The following TMX1 variants were observed in gnomAD, a reference collection of about 807,000 sequenced individuals.
TMX1 encodes thioredoxin-related transmembrane protein 1.
In TMX1, 25 loss-of-function variants were observed where a neutral mutation model predicts 36.6. The ratio of observed to expected loss-of-function variants is 0.68; its 90% confidence interval spans 0.50 to 0.95. The LOEUF is 0.95. Among genes scored for constraint, TMX1 ranks in the 40% least tolerant of loss-of-function variants. TMX1 has a pLI of 0.00. For missense variants in TMX1, 347 were observed against 339.6 expected, an observed-to-expected ratio of 1.02 and a Z score of -0.17; for synonymous variants, 133 against 118.0, an observed-to-expected ratio of 1.13 and a Z score of -0.82.
rs1366060787 is a variant in TMX1, at chr14:51,256,402, A to G, written c.*1883A>G. On this transcript the variant is annotated 3_prime_UTR_variant, in exon 8 of 8. Coordinates refer to ENST00000457354, the MANE Select transcript of TMX1 (RefSeq NM_030755.5). ...ATAGGGTCTTGAAATTTCAGGAAAC[A>G]TATAATCTCACGGTTCTTAAAGATT... 2.0e-5 allele frequency: 3 copies of G among 152,180 alleles called. No individual in the cohort carries two copies. The highest frequency in any genetic ancestry group is 6.5e-5 in the Admixed American group (1 of 15,288). 9.4% of individuals were successfully genotyped at this position (152,180 alleles called of 1,614,324 possible). A position where few individuals can be genotyped will look rare whatever the true frequency, so the allele number is the denominator to read the frequency against.
At chr14:51,250,842 T>A (rs2065808781) in intron 7 of TMX1, among the ~76,000 whole-genome samples, 2 of 152,218 alleles carry the variant, frequency 1.3e-5, no homozygotes, top group African/African-American at 4.8e-5. Context: ...CGAAATGAAG[T>A]CTATGGAGAT....
rs1596410137 is a variant in TMX1, at chr14:51,256,808, C to T, written c.*2289C>T. On this transcript the variant is annotated 3_prime_UTR_variant, in exon 8 of 8. Transcript: ENST00000457354. The stretch of plus-strand genomic sequence containing the variant: ...AACTGCAAGACAGGTAAGCATTGCA[C>T]ATCTTTCAGGTGAGTCAGCCCAGAG... 1 of 152,208 alleles carries T rather than the reference C, an allele frequency of 6.6e-6. No homozygotes were observed. The highest frequency in any genetic ancestry group is 1.9e-4 in the East Asian group (1 of 5,192). The allele number at this position is 152,208 out of a possible 1,614,324, so 9.4% of individuals were successfully genotyped here. A position where few individuals can be genotyped will look rare whatever the true frequency, so the allele number is the denominator to read the frequency against.
At chr14:51,244,043 G>A (rs2139851703) in intron 2 of TMX1, 72 bp downstream of exon 2, 3 of 1,237,946 alleles carry the variant, frequency 2.4e-6, no homozygotes, top group Non-Finnish European at 3.3e-6. Flanking sequence ...TTTCTACATT[G>A]CATAGTCTTA....
chr14:51,247,164 T>A lies in TMX1; in HGVS notation c.387T>A (p.Asp129Glu). 1 of 1,613,540 alleles carries A rather than the reference T, an allele frequency of 6.2e-7. No homozygotes were observed. The highest frequency in any genetic ancestry group is 8.5e-7 in the Non-Finnish European group (1 of 1,179,782). Residue 129 changes from aspartate to glutamate, a missense_variant, in exon 4 of 8, where the codon GAT (aspartate) becomes GAA (glutamate). Physicochemically the swap from Asp to Glu is conservative, Grantham distance 45. Transcript: ENST00000457354. Reference protein sequence around the residue: ...TKKDFINFISDKEWKSIEPVS... With the variant: ...TKKDFINFISEKEWKSIEPVS... ...AGGACTTCATAAACTTTATAAGTGA[T>A]AAAGAGTGGAAGAGTATTGAGCCCG...
Position 51,249,494 on chromosome 14 carries a change from C to A in TMX1, c.516C>A (p.Asp172Glu). 1.2e-6 allele frequency: 2 copies of A among 1,612,614 alleles called. No individual in the cohort carries two copies. Among genetic ancestry groups the A allele is most frequent in the Non-Finnish European group, 8.5e-7 (1 of 1,179,640 alleles). The change falls in exon 6 of 8, where the codon GAC becomes GAA. Residue 172 changes from aspartate to glutamate, a missense_variant. By Grantham distance (45) the Asp-to-Glu change is conservative. Transcript: ENST00000457354. ...IRTCHNYFIE[D>E]LGLPVWGSYT... ...CTTGCCATAACTACTTTATTGAAGACCTTGGATTGCCAGTGTGGGGATCAT... is the reference window on the plus strand; with the variant it reads ...CTTGCCATAACTACTTTATTGAAGAACTTGGATTGCCAGTGTGGGGATCAT...
At chr14:51,243,489 TTG>T (rs147021239) in intron 1 of TMX1, among the ~76,000 whole-genome samples, 4,228 of 152,358 alleles carry the variant, frequency 0.028, 74 homozygotes, top group Non-Finnish European at 0.043. Flanking sequence ...CACCTTGCAT[TTG>T]TGACTCTGCA....
At chr14:51,247,351 G>GTTT in intron 4 of TMX1, 131 bp downstream of exon 4, 9 of 476,300 alleles carry the variant, frequency 1.9e-5, no homozygotes, top group African/African-American at 2.5e-5. Flanking sequence ...TTACATGTTT[G>GTTT]ATTTTTTTTT....
At chr14:51,253,054 AT>A (rs999272247) in intron 7 of TMX1, among the ~76,000 whole-genome samples, 1 of 151,910 alleles carries the variant, frequency 6.6e-6, no homozygotes, top group Non-Finnish European at 1.5e-5. Context: ...AAGGAAATTC[AT>A]TTTTTTTCTA....
At chr14:51,244,979 C>A (rs540000887) in intron 2 of TMX1, among the ~76,000 whole-genome samples, 40 of 152,182 alleles carry the variant, frequency 2.6e-4, no homozygotes, top group Admixed American at 1.9e-3. Context: ...AGATCTAAGA[C>A]CCTATTACCT....
At chr14:51,245,637 A>G (rs2065782348) in intron 3 of TMX1, 1 of 570,482 alleles carries the variant, frequency 1.8e-6, no homozygotes, top group East Asian at 4.3e-5. Flanking sequence ...GTCATTATGC[A>G]TCCAAAGTAG....
intron 4 of TMX1, among the ~76,000 whole-genome samples, chr14:51,247,734 T>C (rs996950206): frequency 1.3e-5 from 2 of 152,240 alleles, no homozygotes; most frequent in Non-Finnish European, 2.9e-5. Flanking sequence ...AGGCATTTTA[T>C]AGAAGTAAGT....
rs1478778152 is a variant in TMX1, at chr14:51,256,589, T to C, written c.*2070T>C. ...ACCATAATCAATTCAGCTGTACTAC[T>C]GAAGTATTGTAAAATCTGATCTCTA... is the stretch of plus-strand genomic sequence containing the variant. On this transcript the variant is annotated 3_prime_UTR_variant, in exon 8 of 8. Transcript: ENST00000457354. 1 of 152,258 alleles carries C rather than the reference T, an allele frequency of 6.6e-6. No individual in the cohort carries two copies. The highest frequency in any genetic ancestry group is 2.4e-5 in the African/African-American group (1 of 41,468). The allele number at this position is 152,258 out of a possible 1,614,324, so 9.4% of individuals were successfully genotyped here. A position where few individuals can be genotyped will look rare whatever the true frequency, so the allele number is the denominator to read the frequency against.
chr14:51,252,502 G>A (rs1359083307), intron 7 of TMX1, among the ~76,000 whole-genome samples: 1 of 151,900 alleles, frequency 6.6e-6, no homozygotes, highest in Non-Finnish European at 1.5e-5. Flanking sequence ...AATTAAATTT[G>A]CCCCTTTGGA....
intron 4 of TMX1, among the ~76,000 whole-genome samples, chr14:51,247,426 G>A (rs2065791152): frequency 7.1e-6 from 1 of 140,798 alleles, no homozygotes; most frequent in Non-Finnish European, 1.5e-5. Flanking sequence ...GCGCAATCTC[G>A]GCTCACTGCA....
chr14:51,242,896 A>G (rs1264495710), intron 1 of TMX1, among the ~76,000 whole-genome samples: 1 of 152,250 alleles, frequency 6.6e-6, no homozygotes, highest in Non-Finnish European at 1.5e-5. Flanking sequence ...ATTTCTGCTC[A>G]GAAGTTTTGT....
intron 7 of TMX1, among the ~76,000 whole-genome samples, chr14:51,251,067 G>A (rs1173611691): frequency 6.6e-6 from 1 of 152,116 alleles, no homozygotes; most frequent in African/African-American, 2.4e-5. Flanking sequence ...AATATAAAAT[G>A]TTTACTCACC....
At chr14:51,249,289 T>A (rs2065800319) in intron 4 of TMX1, 37 bp from the exon 5 acceptor site, 2 of 1,535,860 alleles carry the variant, frequency 1.3e-6, no homozygotes, top group African/African-American at 2.8e-5. Context: ...AATCTGTGTA[T>A]GTTACTCAGT....
rs898119442 is a variant in TMX1 at position 51,256,105 on chromosome 14, A to G, written c.*1586A>G. The G allele has an allele frequency of 2.6e-5, 4 of 152,582 alleles. No homozygotes were observed. Among genetic ancestry groups the G allele is most frequent in the African/African-American group, 4.8e-5 (2 of 41,462 alleles). The allele number at this position is 152,582 out of a possible 1,614,324, so 9.5% of individuals were successfully genotyped here. ...AGGTATGCTTTATTACTTTGTATTT[A>G]ACGATGTTCAGATGAGTAGTTGTGT... On this transcript the variant is annotated 3_prime_UTR_variant, in exon 8 of 8. Coordinates refer to ENST00000457354, the MANE Select transcript of TMX1 (RefSeq NM_030755.5).
chr14:51,244,674 A>G (rs550956923), intron 2 of TMX1, among the ~76,000 whole-genome samples: 1 of 152,192 alleles, frequency 6.6e-6, no homozygotes, highest in East Asian at 1.9e-4. Flanking sequence ...AAATGGTAAT[A>G]ATAGGTAATA....
Sources: gnomAD v4.1 joint callset for allele counts (sites outside exome capture counted in the v4.1 genomes callset) on GRCh38, gnomAD v4.1.1 for gene constraint, MANE v1.5 for transcripts, NCBI Gene and HGNC (gene_info 2026-07-23, HGNC 2026-07-21) for gene names.